Variants in ITGA1 observed in about 807,000 individuals in gnomAD.
The protein encoded by ITGA1 is integrin subunit alpha 1.
A neutral mutation model predicts 145.9 loss-of-function variants in ITGA1; 85 were observed. That is an observed-to-expected ratio of 0.58 (90% CI 0.49 to 0.70). The LOEUF (loss-of-function observed/expected upper bound fraction) is 0.70. ITGA1 is among the 30% of genes least tolerant of loss of function. ITGA1 has a pLI of 0.00. For synonymous variants in ITGA1, 520 were observed against 495.3 expected (o/e 1.05, Z -0.66); for missense variants, 1,351 against 1,418.7 (o/e 0.95, Z 0.77).
rs563625437 is a variant in ITGA1 at position 52,866,330 on chromosome 5, T to C, written c.624+513T>C. On this transcript the variant is annotated intron_variant, in intron 6 of 28. Coordinates refer to ENST00000282588, the MANE Select transcript of ITGA1 (RefSeq NM_181501.2). Reference sequence around the variant, plus strand: ...CTGTGCCCAACCTAGGCTGTGTTATTTTCTAAACAGAAAATATTATGAAAG... The same window carrying C: ...CTGTGCCCAACCTAGGCTGTGTTATCTTCTAAACAGAAAATATTATGAAAG... Among the ~76,000 whole-genome samples the C allele has an allele frequency of 2.0e-5, 3 of 152,358 alleles. No individual in the cohort carries two copies. The South Asian group carries it at 6.2e-4, about 32-fold the overall frequency.
chr5:52,834,579 AAGAAAG>A (rs947825230), intron 1 of ITGA1, among the ~76,000 whole-genome samples: 4 of 149,768 alleles, frequency 2.7e-5, no homozygotes, highest in African/African-American at 1.0e-4. Context: ...AGAAGAAAGA[AAGAAAG>A]AGAGAGAGAG....
chr5:52,906,970 G>A (rs988526101), intron 12 of ITGA1, among the ~76,000 whole-genome samples: 56 of 152,290 alleles, frequency 3.7e-4, no homozygotes, highest in African/African-American at 1.3e-3. Flanking sequence ...TGTCTACAAA[G>A]GGCAGGCCGG....
Position 52,947,562 on chromosome 5 carries a change from A to G in ITGA1, c.3495+101A>G, listed in dbSNP as rs1751154639. 5.7e-6 allele frequency: 4 copies of G among 701,428 alleles called. No individual in the cohort carries two copies. In the Admixed American group the frequency reaches 1.1e-4, roughly 20 times the overall value. 43.5% of individuals were successfully genotyped at this position (701,428 alleles called of 1,614,324 possible). ...AGACTATGTAATATAGTATTATTAC[A>G]GCAATGAAACAAACGTTGAAATGAT... is the stretch of plus-strand genomic sequence containing the variant. On this transcript the variant is annotated intron_variant, in intron 28 of 28. Coordinates refer to ENST00000282588, the MANE Select transcript of ITGA1 (RefSeq NM_181501.2).
intron 8 of ITGA1, among the ~76,000 whole-genome samples, chr5:52,889,310 C>G (rs560984213): frequency 6.6e-6 from 1 of 152,072 alleles, no homozygotes; most frequent in Admixed American, 6.6e-5. Flanking sequence ...CCATGTTGGT[C>G]GGGCCGGTCT....
At chr5:52,945,664 C>G (rs1040976923) in intron 27 of ITGA1, among the ~76,000 whole-genome samples, 34 of 152,178 alleles carry the variant, frequency 2.2e-4, no homozygotes, top group African/African-American at 8.2e-4. Flanking sequence ...GTTACACATG[C>G]AGGCACTTCA....
At chr5:52,901,222 A>G (rs1237929857) in intron 11 of ITGA1, among the ~76,000 whole-genome samples, 1 of 152,202 alleles carries the variant, frequency 6.6e-6, no homozygotes, top group African/African-American at 2.4e-5. Context: ...GAGGGGGGCC[A>G]CAAGCCAAAA....
chr5:52,790,855 G>A (rs1748223798), intron 1 of ITGA1, among the ~76,000 whole-genome samples: 1 of 152,156 alleles, frequency 6.6e-6, no homozygotes, highest in Non-Finnish European at 1.5e-5. Context: ...AGCATAAACT[G>A]TCCATTATAG....
intron 6 of ITGA1, among the ~76,000 whole-genome samples, chr5:52,872,149 A>G (rs1749785937): frequency 6.6e-6 from 1 of 152,132 alleles, no homozygotes; most frequent in Non-Finnish European, 1.5e-5. Flanking sequence ...AGAGAAATTA[A>G]TTAAATTTTA....
At position 52,832,287 on chromosome 5, in the gene ITGA1, G is replaced by A. The variant is rs1749083845; in HGVS notation, c.62-17078G>A. On this transcript the variant is annotated intron_variant, in intron 1 of 28. Transcript: ENST00000282588. ...GTCCCCATAGAATTAATCAACGGTG[G>A]CCAAGAGTGTAGGTAACTAGATGGC... Among the ~76,000 whole-genome samples, 3 of 152,016 alleles carry A rather than the reference G, an allele frequency of 2.0e-5. No homozygotes were observed. The South Asian group carries it at 6.2e-4, about 32-fold the overall frequency.
chr5:52,942,132 C>T (rs1427722126), intron 26 of ITGA1, among the ~76,000 whole-genome samples: 1 of 152,070 alleles, frequency 6.6e-6, no homozygotes, highest in Admixed American at 6.6e-5. Context: ...TTCACTGGTC[C>T]ATGTGGCTCT....
At chr5:52,885,062 T>G (rs1313240056) in intron 7 of ITGA1, among the ~76,000 whole-genome samples, 3 of 152,146 alleles carry the variant, frequency 2.0e-5, no homozygotes, top group Admixed American at 6.5e-5. Flanking sequence ...TATTATTAGT[T>G]TATTATAAAA....
rs202245149 is a variant in ITGA1, at chr5:52,905,741, C to T, written c.1310-22C>T. 1,565 of 1,605,706 alleles carry T rather than the reference C, an allele frequency of 9.7e-4. 3 individuals are homozygous for T. Among genetic ancestry groups the T allele is most frequent in the Non-Finnish European group, 1.3e-3 (1,479 of 1,175,370 alleles). On this transcript the variant is annotated intron_variant, in intron 11 of 28. Transcript: ENST00000282588. ...AGCCTTTAAGGGTCCAGGTGGTATA[C>T]CTGGAATCTTTCTTTTGTTAGGTTA...
intron 2 of ITGA1, among the ~76,000 whole-genome samples, chr5:52,851,568 G>A (rs1028385356): frequency 6.6e-6 from 1 of 152,176 alleles, no homozygotes; most frequent in African/African-American, 2.4e-5. Flanking sequence ...AAGAAAGACA[G>A]CCAACACTGG....
chr5:52,889,331 A>T (rs2111817352), intron 8 of ITGA1, among the ~76,000 whole-genome samples: 1 of 152,170 alleles, frequency 6.6e-6, no homozygotes, highest in Non-Finnish European at 1.5e-5. Context: ...TGAACTACTG[A>T]CCTCAGGGGA....
intron 1 of ITGA1, among the ~76,000 whole-genome samples, chr5:52,821,457 T>C (rs1056313210): frequency 1.3e-5 from 2 of 152,184 alleles, no homozygotes; most frequent in Admixed American, 6.5e-5. Context: ...GGAAATTTGC[T>C]CATACAGAAT....
intron 22 of ITGA1, 164 bp downstream of exon 22, chr5:52,932,300 G>A (rs916832907): frequency 3.5e-6 from 2 of 566,748 alleles, no homozygotes; most frequent in African/African-American, 1.9e-5. Context: ...GGAGGATGGG[G>A]TTAAACAAGC....
At chr5:52,910,939 TATACTGTATATAGTATATAC>T (rs1750502360) in intron 14 of ITGA1, among the ~76,000 whole-genome samples, 2 of 138,186 alleles carry the variant, frequency 1.4e-5, no homozygotes, top group African/African-American at 5.2e-5. Flanking sequence ...ATATGGTATG[TATACTGTATATAGTATATAC>T]ACTATATATA....
intron 1 of ITGA1, among the ~76,000 whole-genome samples, chr5:52,844,330 T>C (rs767085167): frequency 1.3e-4 from 20 of 152,180 alleles, no homozygotes; most frequent in Non-Finnish European, 2.4e-4. Flanking sequence ...TGTAGAAAAG[T>C]CTTCTCCCCA....
At chr5:52,868,122 ATCT>A (rs1186185772) in intron 6 of ITGA1, among the ~76,000 whole-genome samples, 4 of 152,062 alleles carry the variant, frequency 2.6e-5, no homozygotes, top group Non-Finnish European at 5.9e-5. Flanking sequence ...ATCCCATTTG[ATCT>A]TCTTACCTAA....
Sources: gnomAD v4.1 joint callset for allele counts (sites outside exome capture counted in the v4.1 genomes callset) on GRCh38, gnomAD v4.1.1 for gene constraint, MANE v1.5 for transcripts, NCBI Gene and HGNC (gene_info 2026-07-23, HGNC 2026-07-21) for gene names.